VPS26A: variants seen among roughly 807,000 people sequenced by gnomAD.
VPS26A encodes VPS26 retromer complex component A, also known as vacuolar protein sorting-associated protein 26A.
VPS26A carries 22 observed loss-of-function variants against 42.4 expected under a neutral mutation model. The observed-to-expected ratio is 0.52, with a 90% CI of 0.37 to 0.74. The LOEUF (loss-of-function observed/expected upper bound fraction) is 0.74, where lower values mean the gene tolerates loss of function less well. Ranked by LOEUF, VPS26A falls within the 30% of genes least tolerant of loss-of-function variation. The pLI, the probability that VPS26A is intolerant of heterozygous loss-of-function variation, is 0.00. For synonymous variants in VPS26A, 110 were observed against 123.5 expected (o/e 0.89, Z 0.73); for missense variants, 276 against 379.2 (o/e 0.73, Z 2.26).
chr10:69,124,341 C>T lies in VPS26A; in HGVS notation c.3+61C>T, dbSNP rs1840599402. Reference sequence around the variant, plus strand: ...CCTCGTCCCGGAGCGCGCGGCGGGCCGGCCAACCGCGGGCCGGGCGTCGCC... The same window carrying T: ...CCTCGTCCCGGAGCGCGCGGCGGGCTGGCCAACCGCGGGCCGGGCGTCGCC... On this transcript the variant is annotated intron_variant, in intron 1 of 8. Coordinates refer to ENST00000263559, the MANE Select transcript of VPS26A (RefSeq NM_004896.5). 4.1e-6 allele frequency: 5 copies of T among 1,228,294 alleles called. No homozygotes were observed. The South Asian group carries it at 2.1e-4, about 51-fold the overall frequency. The allele number at this position is 1,228,294 out of a possible 1,614,324, so 76.1% of individuals were successfully genotyped here.
chr10:69,132,183 A>T (rs1840794128), intron 1 of VPS26A, among the ~76,000 whole-genome samples: 1 of 152,230 alleles, frequency 6.6e-6, no homozygotes, highest in Admixed American at 6.5e-5. Context: ...ATTCTGCTAT[A>T]ATAAAAGAAC....
intron 6 of VPS26A, among the ~76,000 whole-genome samples, chr10:69,165,593 C>T (rs1841667000): frequency 2.0e-5 from 3 of 152,038 alleles, no homozygotes; most frequent in South Asian, 2.1e-4. Context: ...ATCACTTGAA[C>T]CCAAGGAATT....
chr10:69,138,825 A>AT (rs1840978156), intron 2 of VPS26A, among the ~76,000 whole-genome samples: 1 of 152,188 alleles, frequency 6.6e-6, no homozygotes. Flanking sequence ...TGTAATTAGC[A>AT]TATCCCATAA....
chr10:69,138,691 C>A (rs1840974173), intron 2 of VPS26A, among the ~76,000 whole-genome samples: 1 of 152,056 alleles, frequency 6.6e-6, no homozygotes, highest in Admixed American at 6.6e-5. Context: ...TAAAATACTT[C>A]AGGAATCATA....
chr10:69,172,479 A>AT lies in VPS26A; in HGVS notation c.*1216dup, dbSNP rs908861926. 1 of 152,630 alleles carries AT rather than the reference A, an allele frequency of 6.6e-6. No homozygotes were observed. Among genetic ancestry groups the AT allele is most frequent in the African/African-American group, 2.4e-5 (1 of 41,462 alleles). The allele number at this position is 152,630 out of a possible 1,614,324, so 9.5% of individuals were successfully genotyped here. ...ATGGTTCATTGGTTTTTGTACCAAT[A>AT]TTTTTTATGCACTTCAGTGCAAGTC... On this transcript the variant is annotated 3_prime_UTR_variant, in exon 9 of 9. Coordinates refer to ENST00000263559, the MANE Select transcript of VPS26A (RefSeq NM_004896.5).
chr10:69,149,962 T>A (rs1274565653), intron 2 of VPS26A, among the ~76,000 whole-genome samples: 1 of 151,920 alleles, frequency 6.6e-6, no homozygotes, highest in Non-Finnish European at 1.5e-5. Flanking sequence ...CAGGCTGGTC[T>A]CTTAACTCCT....
intron 2 of VPS26A, among the ~76,000 whole-genome samples, chr10:69,137,809 C>G (rs1001354619): frequency 6.6e-6 from 1 of 150,814 alleles, no homozygotes; most frequent in African/African-American, 2.5e-5. Context: ...TGTATTGACT[C>G]TTATGAAAGG....
At chr10:69,139,081 T>A (rs1840985421) in intron 2 of VPS26A, among the ~76,000 whole-genome samples, 1 of 152,204 alleles carries the variant, frequency 6.6e-6, no homozygotes, top group Admixed American at 6.5e-5. Flanking sequence ...TCATATAGTG[T>A]GCACCACCAG....
chr10:69,130,974 T>C (rs1301530517), intron 1 of VPS26A, among the ~76,000 whole-genome samples: 1 of 152,214 alleles, frequency 6.6e-6, no homozygotes, highest in Non-Finnish European at 1.5e-5. Flanking sequence ...GGGGCTATTA[T>C]GAATAACACT....
intron 8 of VPS26A, 128 bp from the exon 9 acceptor site, chr10:69,171,028 T>C (rs1841801354): frequency 5.5e-6 from 4 of 730,638 alleles, no homozygotes; most frequent in Non-Finnish European, 8.8e-6. Flanking sequence ...GGAAAAGAAG[T>C]TGGAAAAGAG....
At position 69,172,276 on chromosome 10, in the gene VPS26A, A is replaced by G. The variant is rs1353174074; in HGVS notation, c.*1007A>G. The G allele has an allele frequency of 6.6e-6, 1 of 152,180 alleles. No homozygotes were observed. Among genetic ancestry groups the G allele is most frequent in the Non-Finnish European group, 1.5e-5 (1 of 68,022 alleles). The allele number at this position is 152,180 out of a possible 1,614,324, so 9.4% of individuals were successfully genotyped here. On this transcript the variant is annotated 3_prime_UTR_variant, in exon 9 of 9. Transcript: ENST00000263559. ...TCGAACTTTGGCTAGTTAAACTCAT[A>G]TTGAAACTTCATCTAGTCTCTTAAT... is the stretch of plus-strand genomic sequence containing the variant.
chr10:69,128,377 G>A (rs1030708832), intron 1 of VPS26A, among the ~76,000 whole-genome samples: 6 of 151,814 alleles, frequency 4.0e-5, no homozygotes, highest in Admixed American at 1.3e-4. Flanking sequence ...GACTACAAGT[G>A]CATGCCACCA....
Position 69,171,406 on chromosome 10 carries a change from C to T in VPS26A, c.*137C>T. 1 of 633,560 alleles carries T rather than the reference C, an allele frequency of 1.6e-6. No individual in the cohort carries two copies. Among genetic ancestry groups the T allele is most frequent in the Non-Finnish European group, 2.7e-6 (1 of 367,100 alleles). 39.2% of individuals were successfully genotyped at this position (633,560 alleles called of 1,614,324 possible). ...TATATGTTAGTCTTCCTTTATCTTA[C>T]AGCGCAGCATTTATTTTATGATATA... On this transcript the variant is annotated 3_prime_UTR_variant, in exon 9 of 9. Transcript: ENST00000263559.
chr10:69,171,566 A>G lies in VPS26A; in HGVS notation c.*297A>G, dbSNP rs899745529. 2 of 202,152 alleles carry G rather than the reference A, an allele frequency of 9.9e-6. No individual in the cohort carries two copies. The highest frequency in any genetic ancestry group is 9.8e-6 in the Non-Finnish European group (1 of 101,638). 12.5% of individuals were successfully genotyped at this position (202,152 alleles called of 1,614,324 possible). On this transcript the variant is annotated 3_prime_UTR_variant, in exon 9 of 9. Transcript: ENST00000263559. ...TCAGATATATATCAGCGTAAACATGAAAAATTTTCATGTGAGTAGGCTGGT... is the reference window on the plus strand; with the variant it reads ...TCAGATATATATCAGCGTAAACATGGAAAATTTTCATGTGAGTAGGCTGGT...
At chr10:69,168,776 G>T in intron 8 of VPS26A, 145 bp downstream of exon 8, 1 of 1,008,536 alleles carries the variant, frequency 9.9e-7, no homozygotes. Flanking sequence ...AAGAAGTAGA[G>T]GAGAATAGAA....
intron 8 of VPS26A, among the ~76,000 whole-genome samples, chr10:69,170,768 G>A (rs1008108775): frequency 3.9e-5 from 6 of 152,214 alleles, no homozygotes; most frequent in African/African-American, 1.4e-4. Flanking sequence ...TAACCTGCTA[G>A]TGATAATAAA....
intron 2 of VPS26A, among the ~76,000 whole-genome samples, chr10:69,136,286 A>G (rs1840907548): frequency 6.9e-6 from 1 of 145,346 alleles, no homozygotes; most frequent in Non-Finnish European, 1.5e-5. Flanking sequence ...TTTTTTTGAG[A>G]CAGAGTCTTG....
At chr10:69,139,754 A>G (rs1389261932) in intron 2 of VPS26A, among the ~76,000 whole-genome samples, 1 of 152,068 alleles carries the variant, frequency 6.6e-6, no homozygotes, top group Non-Finnish European at 1.5e-5. Flanking sequence ...TCTTGATATC[A>G]GTATTTTTGA....
intron 1 of VPS26A, among the ~76,000 whole-genome samples, chr10:69,126,483 A>G (rs572227237): frequency 1.2e-4 from 18 of 151,772 alleles, no homozygotes; most frequent in South Asian, 6.3e-4. Context: ...AGGAGAATCA[A>G]TTGAACCCGG....
Sources: allele counts gnomAD v4.1 joint callset (sites outside exome capture counted in the v4.1 genomes callset), GRCh38; gene constraint gnomAD v4.1.1; transcripts MANE v1.5; gene names NCBI Gene and HGNC (gene_info 2026-07-23, HGNC 2026-07-21).